Variants in PANK4 observed in about 807,000 individuals in gnomAD.
PANK4 encodes pantothenate kinase 4 (inactive), also known as 4'-phosphopantetheine phosphatase.
In PANK4, 40 loss-of-function variants were observed where a neutral mutation model predicts 87.9. The observed-to-expected ratio is 0.46, with a 90% confidence interval of 0.35 to 0.59. The LOEUF is 0.59. Ranked by LOEUF, PANK4 falls within the 20% of genes least tolerant of loss-of-function variation. The pLI is 0.00. For missense variants in PANK4, 926 were observed against 1,072.3 expected, an observed-to-expected ratio of 0.86 and a Z score of 1.90; for synonymous variants, 524 against 467.4, an observed-to-expected ratio of 1.12 and a Z score of -1.56.
Position 2,510,166 on chromosome 1 carries a change from G to A in PANK4, c.1939-9C>T, listed in dbSNP as rs1186944187. ...TTGCACGCCAGGATGACCTGCAGGAGGAGGGCCCAGGCTCTTTAGGAACCT... is the reference window on the plus strand; with the variant it reads ...TTGCACGCCAGGATGACCTGCAGGAAGAGGGCCCAGGCTCTTTAGGAACCT... On this transcript the variant is annotated splice_polypyrimidine_tract_variant and intron_variant, in intron 16 of 18. Coordinates refer to ENST00000378466, the MANE Select transcript of PANK4 (RefSeq NM_018216.4). This position sits in a 1 kb window ranked among gnomAD's most constrained non-coding sequence, Gnocchi z 4.9. 10 of 1,558,492 alleles carry A rather than the reference G, an allele frequency of 6.4e-6. 1 individual carries two copies. Among genetic ancestry groups the A allele is most frequent in the South Asian group, 3.4e-5 (3 of 87,198 alleles).
At chr1:2,514,254 C>A in intron 11 of PANK4, 100 bp downstream of exon 11, 1 of 1,155,470 alleles carries the variant, frequency 8.7e-7, no homozygotes, top group Non-Finnish European at 1.3e-6. Flanking sequence ...CCACCCCCAG[C>A]GAGCTGGGGT....
At position 2,519,966 on chromosome 1, in the gene PANK4, G is replaced by A. The variant is rs537365471; in HGVS notation, c.700-12C>T. On this transcript the variant is annotated splice_polypyrimidine_tract_variant and intron_variant, in intron 5 of 18. Coordinates refer to ENST00000378466, the MANE Select transcript of PANK4 (RefSeq NM_018216.4). The surrounding 1 kb of genome is among the most constrained non-coding windows in gnomAD (Gnocchi z 8.3). The stretch of plus-strand genomic sequence containing the variant: ...AGCTCGTCAAACTTCTGCAGGACAC[G>A]GCGAGGGGGCGGGTGAGGCGCCAGG... 52 of 1,539,912 alleles carry A rather than the reference G, an allele frequency of 3.4e-5. No individual in the cohort carries two copies. In the African/African-American group the frequency reaches 3.8e-4, roughly 11 times the overall value.
chr1:2,520,047 G>A lies in PANK4; in HGVS notation c.700-93C>T, dbSNP rs759044239. 81 of 1,252,392 alleles carry A rather than the reference G, an allele frequency of 6.5e-5. No individual in the cohort carries two copies. Among genetic ancestry groups the A allele is most frequent in the Non-Finnish European group, 6.4e-5 (59 of 916,484 alleles). 77.6% of individuals were successfully genotyped at this position (1,252,392 alleles called of 1,614,324 possible). On this transcript the variant is annotated intron_variant, in intron 5 of 18. Transcript: ENST00000378466. The surrounding 1 kb of genome is among the most constrained non-coding windows in gnomAD (Gnocchi z 6.2). ...CAAGCCCATGGCAGGAGGCACGCGC[G>A]GGCAGGGGGTAAATGGGCCCTCATC...
chr1:2,522,025 T>C (rs1643879703), intron 1 of PANK4: 1 of 569,352 alleles, frequency 1.8e-6, no homozygotes, highest in African/African-American at 1.9e-5. Context: ...CTCAGCTCCC[T>C]GGCCAAACTG....
Position 2,508,672 on chromosome 1 carries a change from T to C in PANK4, c.*175A>G. 1 of 567,188 alleles carries C rather than the reference T, an allele frequency of 1.8e-6. No individual in the cohort carries two copies. Among genetic ancestry groups the C allele is most frequent in the Non-Finnish European group, 3.1e-6 (1 of 319,728 alleles). 35.1% of individuals were successfully genotyped at this position (567,188 alleles called of 1,614,324 possible). ...TTAAATAGATTCCAATATGAACGTC[T>C]CCCAGGACAAAGCTGCGTCTCGCCT... On this transcript the variant is annotated 3_prime_UTR_variant, in exon 19 of 19. Coordinates refer to ENST00000378466, the MANE Select transcript of PANK4 (RefSeq NM_018216.4). This position sits in a 1 kb window ranked among gnomAD's most constrained non-coding sequence, Gnocchi z 5.1.
At position 2,520,183 on chromosome 1, in the gene PANK4, G is replaced by GCAGAGGC. The variant is rs1643863185; in HGVS notation, c.699+132_699+138dup. On this transcript the variant is annotated intron_variant, in intron 5 of 18. Transcript: ENST00000378466. This position sits in a 1 kb window ranked among gnomAD's most constrained non-coding sequence, Gnocchi z 6.2. The stretch of plus-strand genomic sequence containing the variant: ...CCCTCAGGGCGCAAAGAGTGAAGCC[G>GCAGAGGC]CAGAGGCCAGAGACCCACTGACGCG... The GCAGAGGC allele has an allele frequency of 1.2e-6, 1 of 829,398 alleles. No homozygotes were observed. Among genetic ancestry groups the GCAGAGGC allele is most frequent in the African/African-American group, 1.7e-5 (1 of 59,024 alleles). 51.4% of individuals were successfully genotyped at this position (829,398 alleles called of 1,614,324 possible).
In PANK4 at chr1:2,518,506, C is replaced by A; in HGVS notation, c.1117+10G>T. The A allele has an allele frequency of 1.9e-6, 3 of 1,555,788 alleles. No homozygotes were observed. The highest frequency in any genetic ancestry group is 2.6e-6 in the Non-Finnish European group (3 of 1,148,890). On this transcript the variant is annotated intron_variant, in intron 8 of 18. Coordinates refer to ENST00000378466, the MANE Select transcript of PANK4 (RefSeq NM_018216.4). The stretch of plus-strand genomic sequence containing the variant: ...CCACGCTGCTCAGGGGCGCCAGCAC[C>A]GCGACTCACTGTCCTGCTCAGCTCC...
rs552136547 is a variant in PANK4 at position 2,520,997 on chromosome 1, C to T, written c.423-91G>A. Reference sequence around the variant, plus strand: ...CCTGGTCCGAAGGGGCAGCCATGCCCCATGCGCAATCTGACACACGAGCGC... The same window carrying T: ...CCTGGTCCGAAGGGGCAGCCATGCCTCATGCGCAATCTGACACACGAGCGC... On this transcript the variant is annotated intron_variant, in intron 3 of 18. Transcript: ENST00000378466. This position sits in a 1 kb window ranked among gnomAD's most constrained non-coding sequence, Gnocchi z 6.2. 7.8e-6 allele frequency: 12 copies of T among 1,531,968 alleles called. No individual in the cohort carries two copies. The Middle Eastern group carries it at 6.7e-4, about 86-fold the overall frequency. 94.9% of individuals were successfully genotyped at this position (1,531,968 alleles called of 1,614,324 possible).
intron 12 of PANK4, among the ~76,000 whole-genome samples, chr1:2,513,276 G>GGGA (rs2100774465): frequency 6.6e-6 from 1 of 152,376 alleles, no homozygotes; most frequent in South Asian, 2.1e-4. Context: ...AGCAGTGGGT[G>GGGA]AAGGGCAGGA....
chr1:2,522,958 T>C (rs1012275995), intron 1 of PANK4, among the ~76,000 whole-genome samples: 16 of 136,848 alleles, frequency 1.2e-4, no homozygotes, highest in Non-Finnish European at 2.1e-4. Context: ...TGTGGTGTTA[T>C]AGTGACTTAA....
At position 2,517,857 on chromosome 1, in the gene PANK4, G is replaced by A. The variant is rs569531659; in HGVS notation, c.1218+307C>T. On this transcript the variant is annotated intron_variant, in intron 9 of 18. Transcript: ENST00000378466. Reference sequence around the variant, plus strand: ...AAGTGGACGGGCCTTCTGGCGTGGGGAGAGGTCCCCGTCACCCCTGAACTT... The same window carrying A: ...AAGTGGACGGGCCTTCTGGCGTGGGAAGAGGTCCCCGTCACCCCTGAACTT... 5.4e-4 allele frequency among the ~76,000 whole-genome samples: 83 copies of A among 152,360 alleles called. No homozygotes were observed. In the Middle Eastern group the frequency reaches 0.014, roughly 25 times the overall value.
intron 7 of PANK4, 42 bp from the exon 8 acceptor site, chr1:2,518,639 A>G: frequency 6.0e-6 from 9 of 1,488,632 alleles, no homozygotes; most frequent in Non-Finnish European, 8.3e-6. Flanking sequence ...GGCCCCACAC[A>G]ACACCCGGTG....
At chr1:2,518,295 T>C (rs1006316822) in intron 8 of PANK4, 31 bp from the exon 9 acceptor site, 1 of 1,482,672 alleles carries the variant, frequency 6.7e-7, no homozygotes, top group Non-Finnish European at 9.4e-7. Context: ...TCACTTGTGT[T>C]AACCTTGCCC....
chr1:2,515,630 C>G lies in PANK4; in HGVS notation c.1306G>C (p.Val436Leu). 6.2e-7 allele frequency: 1 copy of G among 1,613,278 alleles called. No homozygotes were observed. Among genetic ancestry groups the G allele is most frequent in the East Asian group, 2.2e-5 (1 of 44,868 alleles). The change falls in exon 10 of 19, where the codon GTG becomes CTG. Residue 436 changes from valine to leucine, a missense_variant. Physicochemically the swap from Val to Leu is conservative, Grantham distance 32 (BLOSUM62 1). Coordinates refer to ENST00000378466, the MANE Select transcript of PANK4 (RefSeq NM_018216.4). The surrounding 1 kb of genome is among the most constrained non-coding windows in gnomAD (Gnocchi z 5.0). Reference protein sequence around the residue: ...LDPPSYVPDTVDLTDDALARK... With the variant: ...LDPPSYVPDTLDLTDDALARK... ...GCCAGAGCGTCATCGGTGAGGTCCA[C>G]CGTGTCGGGCACGTAGGAGGGCGGG...
rs1557446703 is a variant in PANK4, at chr1:2,520,763, T to C, written c.566A>G (p.Tyr189Cys). The C allele has an allele frequency of 6.2e-7, 1 of 1,613,152 alleles. No homozygotes were observed. ...FQTNHPHIFP[Y>C]LLVNIGSGVS... is the part of the protein sequence containing the mutation. Reference sequence around the variant, plus strand: ...TCCAGAGCCGATATTGACAAGAAGATAGGGGAAAATGTGGGGGTGGTTGGT... The same window carrying C: ...TCCAGAGCCGATATTGACAAGAAGACAGGGGAAAATGTGGGGGTGGTTGGT... The change falls in exon 4 of 19, where the codon TAT becomes TGT. Residue 189 changes from tyrosine to cysteine, a missense_variant. By Grantham distance (194) the Tyr-to-Cys change is radical. Coordinates refer to ENST00000378466, the MANE Select transcript of PANK4 (RefSeq NM_018216.4). The surrounding 1 kb of genome is among the most constrained non-coding windows in gnomAD (Gnocchi z 6.2).
chr1:2,512,975 G>A lies in PANK4; in HGVS notation c.1640C>T (p.Ala547Val), dbSNP rs7535528. Residue 547 changes from alanine to valine, a missense_variant, in exon 13 of 19, where the codon GCG becomes GTG. Ala to Val is a moderately conservative substitution (Grantham distance 64, BLOSUM62 0). Coordinates refer to ENST00000378466, the MANE Select transcript of PANK4 (RefSeq NM_018216.4). ...CAGCTGCCGTTCCTCCCAGCCCAGC[G>A]CGTCCAGGGAGCGCACGACCCCGGG... ...CFPGVVRSLD[A>V]LGWEERQLAL... 555,178 of 1,611,998 alleles carry A rather than the reference G, an allele frequency of 0.34. 100,597 individuals are homozygous for A. The highest frequency in any genetic ancestry group is 0.38 in the East Asian group (16,853 of 44,858).
intron 1 of PANK4, among the ~76,000 whole-genome samples, chr1:2,524,014 C>T (rs1643899604): frequency 6.6e-6 from 1 of 152,236 alleles, no homozygotes; most frequent in African/African-American, 2.4e-5. Context: ...GCCATTCTCT[C>T]TGGTCCTGTG....
Position 2,515,744 on chromosome 1 carries a change from A to G in PANK4, c.1219-27T>C. 1.9e-6 allele frequency: 3 copies of G among 1,608,290 alleles called. No homozygotes were observed. Among genetic ancestry groups the G allele is most frequent in the Non-Finnish European group, 2.5e-6 (3 of 1,177,308 alleles). ...TGGAAGACAGGCAGTGGCAGGGTGG[A>G]AACGTCACCATGGTTCAGAACGACC... On this transcript the variant is annotated intron_variant, in intron 9 of 18. Coordinates refer to ENST00000378466, the MANE Select transcript of PANK4 (RefSeq NM_018216.4). The surrounding 1 kb of genome is among the most constrained non-coding windows in gnomAD (Gnocchi z 5.0).
At chr1:2,523,720 G>A (rs1643897077) in intron 1 of PANK4, among the ~76,000 whole-genome samples, 3 of 152,236 alleles carry the variant, frequency 2.0e-5, no homozygotes, top group Non-Finnish European at 4.4e-5. Context: ...GACCTGAGGC[G>A]CGAGGGGCAC....
Sources: gnomAD v4.1 joint callset for allele counts (sites outside exome capture counted in the v4.1 genomes callset) on GRCh38, gnomAD v4.1.1 for gene constraint, Gnocchi (gnomAD v3.1) non-coding constraint, MANE v1.5 for transcripts, NCBI Gene and HGNC (gene_info 2026-07-23, HGNC 2026-07-21) for gene names.